The following PDGFD variants were observed in gnomAD, a reference collection of about 807,000 sequenced individuals.
PDGFD encodes platelet-derived growth factor D.
In PDGFD, 30 loss-of-function variants were observed where a neutral mutation model predicts 44.7. That is an observed-to-expected ratio of 0.67 (90% CI 0.50 to 0.91). The LOEUF (loss-of-function observed/expected upper bound fraction) is 0.91. Among genes scored for constraint, PDGFD ranks in the 40% least tolerant of loss-of-function variants. PDGFD has a pLI of 0.00. For synonymous variants in PDGFD, 173 were observed against 168.4 expected, an observed-to-expected ratio of 1.03 and a Z score of -0.21; for missense variants, 445 against 457.8, an observed-to-expected ratio of 0.97 and a Z score of 0.25.
chr11:104,068,563 A>T (rs946154674), intron 1 of PDGFD, among the ~76,000 whole-genome samples: 1 of 152,230 alleles, frequency 6.6e-6, no homozygotes, highest in Non-Finnish European at 1.5e-5. Context: ...ACATAATCAG[A>T]AAGAGCTATC....
chr11:103,951,204 A>T (rs1348827701), intron 3 of PDGFD, among the ~76,000 whole-genome samples: 1 of 152,208 alleles, frequency 6.6e-6, no homozygotes, highest in Non-Finnish European at 1.5e-5. Flanking sequence ...TATAGATGAC[A>T]TATTTAAATT....
chr11:104,098,832 T>C (rs1172194430), intron 1 of PDGFD, among the ~76,000 whole-genome samples: 2 of 151,948 alleles, frequency 1.3e-5, no homozygotes, highest in Non-Finnish European at 2.9e-5. Flanking sequence ...ATTCGCTAAA[T>C]ACAAAAAGGA....
At chr11:103,925,943 G>A (rs1858308167) in intron 6 of PDGFD, among the ~76,000 whole-genome samples, 1 of 151,894 alleles carries the variant, frequency 6.6e-6, no homozygotes, top group Non-Finnish European at 1.5e-5. Context: ...TGGCCACGCT[G>A]TTCTTGAACT....
intron 1 of PDGFD, among the ~76,000 whole-genome samples, chr11:104,163,489 TC>T (rs1459293099): frequency 1.3e-5 from 2 of 152,144 alleles, no homozygotes; most frequent in Admixed American, 6.5e-5. Flanking sequence ...CTTGCAACTT[TC>T]GCCAACTCCG....
intron 3 of PDGFD, among the ~76,000 whole-genome samples, chr11:103,950,621 G>A (rs894389585): frequency 7.8e-6 from 1 of 128,774 alleles, no homozygotes; most frequent in African/African-American, 3.0e-5. Context: ...TAGAGAGATA[G>A]ATGATGTGTT....
At chr11:103,937,805 T>G (rs1476495404) in intron 5 of PDGFD, among the ~76,000 whole-genome samples, 2 of 150,392 alleles carry the variant, frequency 1.3e-5, no homozygotes, top group Non-Finnish European at 3.0e-5. Context: ...CATGCGGTGT[T>G]TGGTTTTTTG....
chr11:104,074,562 G>A (rs1860927036), intron 1 of PDGFD, among the ~76,000 whole-genome samples: 1 of 152,180 alleles, frequency 6.6e-6, no homozygotes, highest in Non-Finnish European at 1.5e-5. Flanking sequence ...GGCTCATTAG[G>A]AAGCAGTGTG....
At chr11:103,938,579 T>G (rs1048455497) in intron 5 of PDGFD, among the ~76,000 whole-genome samples, 3 of 152,318 alleles carry the variant, frequency 2.0e-5, no homozygotes, top group South Asian at 4.1e-4. Context: ...TTTGTCAATT[T>G]TGGCTTTTGT....
intron 1 of PDGFD, among the ~76,000 whole-genome samples, chr11:104,073,100 T>C (rs1345540035): frequency 1.3e-5 from 2 of 152,032 alleles, no homozygotes; most frequent in African/African-American, 4.8e-5. Flanking sequence ...CATAACTAGA[T>C]GATATAATGT....
At chr11:103,962,322 C>T (rs1858950478) in intron 3 of PDGFD, among the ~76,000 whole-genome samples, 1 of 152,126 alleles carries the variant, frequency 6.6e-6, no homozygotes, top group Admixed American at 6.5e-5. Flanking sequence ...AGAATGTTTT[C>T]CTGATCAGAG....
intron 3 of PDGFD, among the ~76,000 whole-genome samples, chr11:103,986,076 A>T (rs1161100437): frequency 2.0e-5 from 3 of 152,198 alleles, no homozygotes; most frequent in Admixed American, 6.5e-5. Context: ...ATTTGCTCTC[A>T]GGTGAAAGGC....
At chr11:103,999,905 A>C (rs1859594353) in intron 2 of PDGFD, 146 bp downstream of exon 2, 2 of 470,192 alleles carry the variant, frequency 4.3e-6, no homozygotes, top group Non-Finnish European at 7.3e-6. Flanking sequence ...CTTGTCTGTT[A>C]GGGTCTTTAG....
chr11:104,148,530 TAAA>T (rs903299171), intron 1 of PDGFD, among the ~76,000 whole-genome samples: 1 of 152,100 alleles, frequency 6.6e-6, no homozygotes, highest in African/African-American at 2.4e-5. Flanking sequence ...TTGCAATAAT[TAAA>T]AAAATGAAAC....
At chr11:104,092,090 C>A (rs1861219583) in intron 1 of PDGFD, among the ~76,000 whole-genome samples, 1 of 152,068 alleles carries the variant, frequency 6.6e-6, no homozygotes, top group African/African-American at 2.4e-5. Flanking sequence ...GAAAAAAAGG[C>A]CCCTAAGCCA....
chr11:103,941,216 T>G (rs1858579064), intron 5 of PDGFD, among the ~76,000 whole-genome samples: 1 of 152,070 alleles, frequency 6.6e-6, no homozygotes, highest in South Asian at 2.1e-4. Context: ...GGGGTGGGAC[T>G]AGGCATCTGA....
intron 3 of PDGFD, among the ~76,000 whole-genome samples, chr11:103,985,113 TATATAATATATTA>T (rs1859340533): frequency 7.4e-6 from 1 of 134,714 alleles, no homozygotes; most frequent in Non-Finnish European, 1.6e-5. Flanking sequence ...ATTTATTTAA[TATATAATATATTA>T]ATTTATTTAA....
chr11:103,989,186 G>A (rs1038977733), intron 3 of PDGFD, among the ~76,000 whole-genome samples: 7 of 152,032 alleles, frequency 4.6e-5, no homozygotes, highest in Non-Finnish European at 7.4e-5. Context: ...TAGGTTTTAG[G>A]AATACAATTT....
intron 1 of PDGFD, among the ~76,000 whole-genome samples, chr11:104,156,445 A>G (rs1862309286): frequency 6.6e-6 from 1 of 152,222 alleles, no homozygotes; most frequent in Admixed American, 6.5e-5. Flanking sequence ...TTTTATAGAC[A>G]AAGCACTGCA....
At chr11:103,989,580 T>G (rs1356499801) in intron 3 of PDGFD, among the ~76,000 whole-genome samples, 2 of 152,144 alleles carry the variant, frequency 1.3e-5, no homozygotes, top group Non-Finnish European at 2.9e-5. Context: ...AGAATGAAAT[T>G]TAATATAATC....
Sources: allele counts gnomAD v4.1 joint callset (sites outside exome capture counted in the v4.1 genomes callset), GRCh38; gene constraint gnomAD v4.1.1; transcripts MANE v1.5; gene names NCBI Gene and HGNC (gene_info 2026-07-23, HGNC 2026-07-21).